ARF1: variants seen among roughly 807,000 people sequenced by gnomAD.
ARF1 encodes ARF GTPase 1.
In ARF1, 1 loss-of-function variant was observed where a neutral mutation model predicts 18.0. That is an observed-to-expected ratio of 0.06 (90% confidence interval 0.02 to 0.26). ARF1 has a LOEUF of 0.26. ARF1 is among the 10% of genes least tolerant of loss of function. ARF1 has a pLI of 1.00. For synonymous variants in ARF1, 112 were observed against 96.3 expected, an observed-to-expected ratio of 1.16 and a Z score of -0.95; for missense variants, 73 against 247.2, an observed-to-expected ratio of 0.30 and a Z score of 4.73.
rs2032767404 is a variant in ARF1, at chr1:228,096,978, G to A, written c.-37-100G>A. 4 of 1,108,718 alleles carry A rather than the reference G, an allele frequency of 3.6e-6. No individual in the cohort carries two copies. The Admixed American group carries it at 8.3e-5, about 23-fold the overall frequency. The allele number at this position is 1,108,718 out of a possible 1,614,324, so 68.7% of individuals were successfully genotyped here. ...TTCCCTGTTTCCCTGCAGGCTTCCAGGAGGTGGGGTGAGGCAGTGGTGCAT... is the reference window on the plus strand; with the variant it reads ...TTCCCTGTTTCCCTGCAGGCTTCCAAGAGGTGGGGTGAGGCAGTGGTGCAT... On this transcript the variant is annotated intron_variant, in intron 1 of 4. Coordinates refer to ENST00000272102, the MANE Select transcript of ARF1 (RefSeq NM_001658.4).
Position 228,097,331 on chromosome 1 carries a change from C to T in ARF1, c.149-11C>T. 1 of 1,613,248 alleles carries T rather than the reference C, an allele frequency of 6.2e-7. No individual in the cohort carries two copies. The stretch of plus-strand genomic sequence containing the variant: ...CAAGGTACAAGGCCTCACCCTGCAT[C>T]CCGCACCCAGGCTTCAACGTGGAAA... On this transcript the variant is annotated splice_polypyrimidine_tract_variant and intron_variant, in intron 2 of 4. Coordinates refer to ENST00000272102, the MANE Select transcript of ARF1 (RefSeq NM_001658.4). This position sits in a 1 kb window ranked among gnomAD's most constrained non-coding sequence, Gnocchi z 8.1.
Position 228,097,175 on chromosome 1 carries a change from C to A in ARF1, c.61C>A (p.Leu21Ile). The stretch of plus-strand genomic sequence containing the variant: ...TTTTGGCAAAAAAGAAATGCGCATC[C>A]TCATGGTGGGCCTGGATGCTGCAGG... Reference protein sequence around the residue: ...GLFGKKEMRILMVGLDAAGKT... With the variant: ...GLFGKKEMRIIMVGLDAAGKT... The change falls in exon 2 of 5, where the codon CTC becomes ATC. Residue 21 changes from leucine (L) to isoleucine (I), a missense_variant. Physicochemically the swap from Leu to Ile is conservative, Grantham distance 5. Coordinates refer to ENST00000272102, the MANE Select transcript of ARF1 (RefSeq NM_001658.4). This position sits in a 1 kb window ranked among gnomAD's most constrained non-coding sequence, Gnocchi z 8.1. The A allele has an allele frequency of 6.2e-7, 1 of 1,613,890 alleles. No homozygotes were observed. The highest frequency in any genetic ancestry group is 1.7e-5 in the Admixed American group (1 of 59,982).
At chr1:228,090,730 A>G (rs1386927707) in intron 1 of ARF1, 1 of 152,242 alleles carries the variant, frequency 6.6e-6, no homozygotes, top group African/African-American at 2.4e-5. Context: ...AAGCTGACTC[A>G]CGGGGTGTGC....
rs1045941300 is a variant in ARF1 at position 228,087,040 on chromosome 1, G to A, written c.-38+4275G>A. 2.0e-5 allele frequency among the ~76,000 whole-genome samples: 3 copies of A among 152,188 alleles called. No homozygotes were observed. In the South Asian group the frequency reaches 6.2e-4, roughly 32 times the overall value. Reference sequence around the variant, plus strand: ...GTTATAAGAGTGTGTGAGAAACTGAGTTTGGGTTTTCCTATGTCCTCAAAA... The same window carrying A: ...GTTATAAGAGTGTGTGAGAAACTGAATTTGGGTTTTCCTATGTCCTCAAAA... On this transcript the variant is annotated intron_variant, in intron 1 of 4. Coordinates refer to ENST00000272102, the MANE Select transcript of ARF1 (RefSeq NM_001658.4).
chr1:228,092,553 T>G (rs2032608256), intron 1 of ARF1, among the ~76,000 whole-genome samples: 1 of 152,222 alleles, frequency 6.6e-6, no homozygotes, highest in Non-Finnish European at 1.5e-5. Context: ...GACCTGGAGC[T>G]TGTTTGTCCT....
intron 1 of ARF1, among the ~76,000 whole-genome samples, chr1:228,095,056 A>G (rs575640121): frequency 6.6e-6 from 1 of 152,014 alleles, no homozygotes; most frequent in Non-Finnish European, 1.5e-5. Flanking sequence ...GTTACTCCTC[A>G]TCTTCCTTTT....
rs938422886 is a variant in ARF1, at chr1:228,089,083, C to T, written c.-38+6318C>T. Among the ~76,000 whole-genome samples, 4 of 152,054 alleles carry T rather than the reference C, an allele frequency of 2.6e-5. No individual in the cohort carries two copies. The highest frequency in any genetic ancestry group is 2.9e-5 in the Non-Finnish European group (2 of 68,028). On this transcript the variant is annotated intron_variant, in intron 1 of 4. Coordinates refer to ENST00000272102, the MANE Select transcript of ARF1 (RefSeq NM_001658.4). The surrounding 1 kb of genome is among the most constrained non-coding windows in gnomAD (Gnocchi z 4.1). Reference sequence around the variant, plus strand: ...AGGAGGGAGGCTACTCGCATCACAGCGGAGAATGCCTGTTGGGTTTGGGAG... The same window carrying T: ...AGGAGGGAGGCTACTCGCATCACAGTGGAGAATGCCTGTTGGGTTTGGGAG...
chr1:228,098,223 C>T lies in ARF1; in HGVS notation c.*210C>T, dbSNP rs1431469626. ...GTTTCCAATGAGGCAGTTTCTGGTA[C>T]TCCTATGCAATATTACTCAGCTTTT... On this transcript the variant is annotated 3_prime_UTR_variant, in exon 5 of 5. Coordinates refer to ENST00000272102, the MANE Select transcript of ARF1 (RefSeq NM_001658.4). 1.9e-6 allele frequency: 1 copy of T among 539,444 alleles called. No homozygotes were observed. Among genetic ancestry groups the T allele is most frequent in the African/African-American group, 1.9e-5 (1 of 52,074 alleles). 33.4% of individuals were successfully genotyped at this position (539,444 alleles called of 1,614,324 possible).
chr1:228,096,936 A>G, intron 1 of ARF1, 142 bp from the exon 2 acceptor site: 3 of 706,348 alleles, frequency 4.2e-6, no homozygotes, highest in Non-Finnish European at 6.6e-6. Context: ...TTTGGGGGGC[A>G]TGGGAGGCAG....
At chr1:228,083,363 G>T (rs1002657090) in intron 1 of ARF1, 1 of 152,362 alleles carries the variant, frequency 6.6e-6, no homozygotes, top group African/African-American at 2.4e-5. Flanking sequence ...GTTCGTGTTT[G>T]CTGTGAAGAC....
At chr1:228,093,643 C>T (rs1205620560) in intron 1 of ARF1, among the ~76,000 whole-genome samples, 2 of 141,074 alleles carry the variant, frequency 1.4e-5, no homozygotes, top group Admixed American at 1.4e-4. Flanking sequence ...AAAAAAAAAT[C>T]CGGGCGTGGT....
At chr1:228,085,946 G>T (rs2032381102) in intron 1 of ARF1, among the ~76,000 whole-genome samples, 1 of 152,180 alleles carries the variant, frequency 6.6e-6, no homozygotes. Context: ...GTACCCTAAT[G>T]AGTTGACCAG....
intron 1 of ARF1, chr1:228,096,397 A>G (rs1206387639): frequency 6.6e-6 from 1 of 152,282 alleles, no homozygotes; most frequent in Non-Finnish European, 1.5e-5. Flanking sequence ...CTGATTCGTG[A>G]AATTGCCCAC....
rs1025298363 is a variant in ARF1 at position 228,098,108 on chromosome 1, G to A, written c.*95G>A. 6.8e-6 allele frequency: 10 copies of A among 1,475,362 alleles called. No individual in the cohort carries two copies. The highest frequency in any genetic ancestry group is 2.1e-5 in the Admixed American group (1 of 47,996). 91.4% of individuals were successfully genotyped at this position (1,475,362 alleles called of 1,614,324 possible). A position where few individuals can be genotyped will look rare whatever the true frequency, so the allele number is the denominator to read the frequency against. ...GGTGTGAGTGCCAGAAGCTGCCTCC[G>A]TGGTTTGGTCACCGTGTGCATCGCA... is the stretch of plus-strand genomic sequence containing the variant. On this transcript the variant is annotated 3_prime_UTR_variant, in exon 5 of 5. Coordinates refer to ENST00000272102, the MANE Select transcript of ARF1 (RefSeq NM_001658.4).
rs1571844862 is a variant in ARF1, at chr1:228,097,482, A to C, written c.259+30A>C. 6.2e-7 allele frequency: 1 copy of C among 1,612,638 alleles called. No homozygotes were observed. Among genetic ancestry groups the C allele is most frequent in the Non-Finnish European group, 8.5e-7 (1 of 1,179,490 alleles). On this transcript the variant is annotated intron_variant, in intron 3 of 4. Transcript: ENST00000272102. The surrounding 1 kb of genome is among the most constrained non-coding windows in gnomAD (Gnocchi z 8.1). Reference sequence around the variant, plus strand: ...GTGGCTGGGGCCTGGTCCCATGGGCACTCCTGCTTCTAGAGAGGGGGGGCC... The same window carrying C: ...GTGGCTGGGGCCTGGTCCCATGGGCCCTCCTGCTTCTAGAGAGGGGGGGCC...
rs1028700003 is a variant in ARF1, at chr1:228,082,726, G to C, written c.-77G>C. 2.6e-5 allele frequency: 4 copies of C among 152,036 alleles called. No homozygotes were observed. Among genetic ancestry groups the C allele is most frequent in the Admixed American group, 2.6e-4 (4 of 15,256 alleles). 9.4% of individuals were successfully genotyped at this position (152,036 alleles called of 1,614,324 possible). Reference sequence around the variant, plus strand: ...CGCCGTCAGAGCCGCCATCTTGTGGGAGCAAAACCAACGCCTGGCTCGGAG... The same window carrying C: ...CGCCGTCAGAGCCGCCATCTTGTGGCAGCAAAACCAACGCCTGGCTCGGAG... On this transcript the variant is annotated 5_prime_UTR_variant, in exon 1 of 5. Transcript: ENST00000272102. The surrounding 1 kb of genome is among the most constrained non-coding windows in gnomAD (Gnocchi z 6.1).
chr1:228,099,083 T>TC lies in ARF1; in HGVS notation c.*1071dup, dbSNP rs1430995930. 1 of 152,510 alleles carries TC rather than the reference T, an allele frequency of 6.6e-6. No individual in the cohort carries two copies. Among genetic ancestry groups the TC allele is most frequent in the African/African-American group, 2.4e-5 (1 of 41,482 alleles). The allele number at this position is 152,510 out of a possible 1,614,324, so 9.4% of individuals were successfully genotyped here. On this transcript the variant is annotated 3_prime_UTR_variant, in exon 5 of 5. Transcript: ENST00000272102. ...AACCTCAGAACTGGTCTATTTGGTG[T>TC]CGTGGAACCTCTTACTGCTTTCAAT...
chr1:228,098,300 A>G lies in ARF1; in HGVS notation c.*287A>G. The G allele has an allele frequency of 8.0e-6, 2 of 249,134 alleles. No homozygotes were observed. Among genetic ancestry groups the G allele is most frequent in the Non-Finnish European group, 1.5e-5 (2 of 132,432 alleles). 15.4% of individuals were successfully genotyped at this position (249,134 alleles called of 1,614,324 possible). On this transcript the variant is annotated 3_prime_UTR_variant, in exon 5 of 5. Transcript: ENST00000272102. ...ACTGTTCAGTGCTGAGAGGGGATGT[A>G]GGCCCATGGGCACCTGGCCTCCAGG...
chr1:228,083,607 A>G (rs2032293934), intron 1 of ARF1: 1 of 152,240 alleles, frequency 6.6e-6, no homozygotes, highest in South Asian at 2.1e-4. Context: ...AGTAGATAAG[A>G]AGGCCTCTTC....
Sources: allele counts gnomAD v4.1 joint callset (sites outside exome capture counted in the v4.1 genomes callset), GRCh38; gene constraint gnomAD v4.1.1; non-coding constraint Gnocchi (gnomAD v3.1); transcripts MANE v1.5; gene names NCBI Gene and HGNC (gene_info 2026-07-23, HGNC 2026-07-21).